Variants in ANO4 observed in about 807,000 individuals in gnomAD.
The protein encoded by ANO4 is anoctamin-4.
In ANO4, 69 loss-of-function variants were observed where a neutral mutation model predicts 141.9. The ratio of observed to expected loss-of-function variants is 0.49; its 90% CI spans 0.40 to 0.59. ANO4 has a LOEUF of 0.59. Ranked by LOEUF, ANO4 falls within the 20% of genes least tolerant of loss-of-function variation. The pLI is 0.00. For synonymous variants in ANO4, 350 were observed against 394.3 expected (o/e 0.89, Z 1.33); for missense variants, 894 against 1,162.2 (o/e 0.77, Z 3.36).
chr12:100,870,528 A>G (rs1348743038), intron 1 of ANO4, among the ~76,000 whole-genome samples: 1 of 151,518 alleles, frequency 6.6e-6, no homozygotes, highest in Non-Finnish European at 1.5e-5. Flanking sequence ...ATTTTTTTTT[A>G]AGAAAACCAT....
chr12:100,875,792 A>G (rs112866205), intron 1 of ANO4, among the ~76,000 whole-genome samples: 1 of 152,114 alleles, frequency 6.6e-6, no homozygotes, highest in African/African-American at 2.4e-5. Flanking sequence ...GGCATGAGCA[A>G]CTGGGAGGAT....
intron 3 of ANO4, among the ~76,000 whole-genome samples, chr12:100,925,124 G>A (rs2041808810): frequency 6.6e-6 from 1 of 152,054 alleles, no homozygotes; most frequent in Non-Finnish European, 1.5e-5. Flanking sequence ...GATTTGAGAA[G>A]CTGCCCACAC....
At position 100,821,865 on chromosome 12, in the gene ANO4, A is replaced by G. The variant is rs1593427978; in HGVS notation, c.-141+26838A>G. On this transcript the variant is annotated intron_variant, in intron 1 of 27. Transcript: ENST00000392977. ...TGACATTGCCGTAGTATTAACACTT[A>G]GAAATGGAACTGATCATTCCATAGT... Among the ~76,000 whole-genome samples, 6 of 152,198 alleles carry G rather than the reference A, an allele frequency of 3.9e-5. No homozygotes were observed. The South Asian group carries it at 1.2e-3, about 32-fold the overall frequency.
At chr12:100,871,135 T>G (rs950312788) in intron 1 of ANO4, among the ~76,000 whole-genome samples, 1 of 152,212 alleles carries the variant, frequency 6.6e-6, no homozygotes, top group Non-Finnish European at 1.5e-5. Flanking sequence ...TACTGAGTTT[T>G]CATATCACCT....
chr12:100,935,409 T>G (rs147535326), intron 3 of ANO4, among the ~76,000 whole-genome samples: 1 of 152,370 alleles, frequency 6.6e-6, no homozygotes, highest in Non-Finnish European at 1.5e-5. Context: ...GTTTTGCATA[T>G]GTTGAACCAG....
rs1445049361 is a variant in ANO4 at position 101,127,874 on chromosome 12, TC to T, written c.*20del. On this transcript the variant is annotated 3_prime_UTR_variant, in exon 28 of 28. Transcript: ENST00000392977. ...TTCTCTTTCCAGAAAATAGTCCCTTTCCAGGCCAAGGACCTGAATTCTGTTT... is the reference window on the plus strand; with the variant it reads ...TTCTCTTTCCAGAAAATAGTCCCTTTCAGGCCAAGGACCTGAATTCTGTTT... 6.6e-6 allele frequency: 1 copy of T among 152,628 alleles called. No homozygotes were observed. Among genetic ancestry groups the T allele is most frequent in the Non-Finnish European group, 1.5e-5 (1 of 68,044 alleles). 9.5% of individuals were successfully genotyped at this position (152,628 alleles called of 1,614,324 possible).
intron 4 of ANO4, among the ~76,000 whole-genome samples, chr12:100,941,995 T>C (rs2136176777): frequency 7.0e-6 from 1 of 142,166 alleles, no homozygotes; most frequent in Admixed American, 7.2e-5. Context: ...ATTATTATTA[T>C]TTTGAGATGG....
At chr12:100,892,405 A>G (rs532598644) in intron 1 of ANO4, among the ~76,000 whole-genome samples, 16 of 152,342 alleles carry the variant, frequency 1.1e-4, no homozygotes, top group East Asian at 7.7e-4. Context: ...GTTGTCTTCA[A>G]TGACCACTTT....
In ANO4 at chr12:101,127,040, T is replaced by A. The variant is rs1245366790; in HGVS notation, c.2838T>A (p.Asn946Lys). Residue 946 changes from asparagine to lysine, a missense_variant, in exon 27 of 28, where the codon AAT becomes AAA. By Grantham distance (94) the Asn-to-Lys change is moderately conservative. Coordinates refer to ENST00000392977, the MANE Select transcript of ANO4 (RefSeq NM_001286615.2). Reference protein sequence around the residue: ...LQKERKERKKNGKAHHNEWP With the variant: ...LQKERKERKKKGKAHHNEWP ...AGGAACGAAAGGAGAGGAAGAAGAATGGAAAAGCACACCACAACGAGTGGC... is the reference window on the plus strand; with the variant it reads ...AGGAACGAAAGGAGAGGAAGAAGAAAGGAAAAGCACACCACAACGAGTGGC... 6.2e-7 allele frequency: 1 copy of A among 1,613,868 alleles called. No individual in the cohort carries two copies. Among genetic ancestry groups the A allele is most frequent in the Admixed American group, 1.7e-5 (1 of 59,970 alleles).
chr12:101,080,431 A>G (rs2049199471), intron 15 of ANO4, among the ~76,000 whole-genome samples: 1 of 152,136 alleles, frequency 6.6e-6, no homozygotes, highest in South Asian at 2.1e-4. Flanking sequence ...TGAGATTTTC[A>G]GCAATCCTTG....
intron 16 of ANO4, among the ~76,000 whole-genome samples, chr12:101,086,080 CTGTGTGTGTGTGTG>C (rs56891905): frequency 1.1e-3 from 143 of 131,806 alleles, no homozygotes; most frequent in African/African-American, 3.3e-3. Flanking sequence ...GTTAACTAGG[CTGTGTGTGTGTGTG>C]TGTGTGTGTG....
At chr12:100,973,515 C>T (rs1224667948) in intron 6 of ANO4, among the ~76,000 whole-genome samples, 1 of 152,092 alleles carries the variant, frequency 6.6e-6, no homozygotes, top group Non-Finnish European at 1.5e-5. Context: ...TTCTTAAATA[C>T]TTATATGTCC....
chr12:100,971,366 G>C lies in ANO4; in HGVS notation c.517G>C (p.Gly173Arg). Residue 173 changes from glycine (G) to arginine (R), a missense_variant, in exon 6 of 28, where the codon GGA becomes CGA. Physicochemically the swap from Gly to Arg is moderately radical, Grantham distance 125 (BLOSUM62 -2). Transcript: ENST00000392977. ...GTTGCATGCCCCATGGGAAGTCCTT[G>C]GAAGATATGCAGAACAAATGAATGT... ...VKLHAPWEVL[G>R]RYAEQMNVRM... The C allele has an allele frequency of 6.2e-7, 1 of 1,610,780 alleles. No homozygotes were observed. The highest frequency in any genetic ancestry group is 8.5e-7 in the Non-Finnish European group (1 of 1,177,612).
chr12:100,864,865 G>A (rs540220212), intron 1 of ANO4, among the ~76,000 whole-genome samples: 2 of 152,056 alleles, frequency 1.3e-5, no homozygotes, highest in African/African-American at 4.8e-5. Flanking sequence ...AGGCCCCAGT[G>A]TGTGATGTTC....
rs146439690 is a variant in ANO4 at position 100,848,467 on chromosome 12, A to G, written c.-140-53179A>G. Among the ~76,000 whole-genome samples, 652 of 152,326 alleles carry G rather than the reference A, an allele frequency of 4.3e-3. 3 individuals are homozygous for G. Among genetic ancestry groups the G allele is most frequent in the African/African-American group, 0.015 (638 of 41,572 alleles). On this transcript the variant is annotated intron_variant, in intron 1 of 27. Transcript: ENST00000392977. Reference sequence around the variant, plus strand: ...CTGGGACCCATGCCCAAAAATTCTTATTCAATAAGTTTAGGGTGGGACTGA... The same window carrying G: ...CTGGGACCCATGCCCAAAAATTCTTGTTCAATAAGTTTAGGGTGGGACTGA...
intron 5 of ANO4, among the ~76,000 whole-genome samples, chr12:100,967,393 G>T (rs1350582069): frequency 3.3e-5 from 5 of 152,112 alleles, no homozygotes; most frequent in Non-Finnish European, 5.9e-5. Context: ...GTAGAGAAAA[G>T]AATGATTTAT....
intron 5 of ANO4, among the ~76,000 whole-genome samples, chr12:100,961,720 T>C (rs141443120): frequency 2.0e-4 from 30 of 152,354 alleles, no homozygotes; most frequent in African/African-American, 6.7e-4. Flanking sequence ...TTTGTATATA[T>C]GCTAAGTCTT....
At chr12:100,901,154 A>C (rs1178368625) in intron 1 of ANO4, among the ~76,000 whole-genome samples, 2 of 152,188 alleles carry the variant, frequency 1.3e-5, no homozygotes, top group Non-Finnish European at 2.9e-5. Flanking sequence ...ATTTGTTGAC[A>C]CTGGTTGATG....
At chr12:101,068,899 C>A in intron 14 of ANO4, 1 of 845,400 alleles carries the variant, frequency 1.2e-6, no homozygotes, top group Non-Finnish European at 2.1e-6. Flanking sequence ...GCTAACAGAG[C>A]TCCTCCGATA....
Sources: gnomAD v4.1 joint callset for allele counts (sites outside exome capture counted in the v4.1 genomes callset) on GRCh38, gnomAD v4.1.1 for gene constraint, MANE v1.5 for transcripts, NCBI Gene and HGNC (gene_info 2026-07-23, HGNC 2026-07-21) for gene names.